The following CACNA1C variants were observed in gnomAD, a reference collection of about 807,000 sequenced individuals.
CACNA1C encodes voltage-dependent L-type calcium channel subunit alpha-1C.
In CACNA1C, 30 loss-of-function variants were observed where a neutral mutation model predicts 229.0. The ratio of observed to expected loss-of-function variants is 0.13; its 90% confidence interval spans 0.10 to 0.18. CACNA1C has a LOEUF of 0.18. Ranked by LOEUF, CACNA1C falls within the 10% of genes least tolerant of loss-of-function variation. CACNA1C has a pLI of 1.00. For missense variants in CACNA1C, 1,658 were observed against 2,845.0 expected, an observed-to-expected ratio of 0.58 and a Z score of 9.49; for synonymous variants, 1,114 against 1,132.5, an observed-to-expected ratio of 0.98 and a Z score of 0.33.
At chr12:2,004,563 AC>A in intron 1 of CACNA1C, 1 of 1,314,406 alleles carries the variant, frequency 7.6e-7, no homozygotes, top group Non-Finnish European at 1.0e-6. Context: ...GGCTCCAGTC[AC>A]CCCCACCCTC....
Position 2,053,532 on chromosome 12 carries a change from C to T in CACNA1C, c.-31C>T. The T allele has an allele frequency of 6.4e-7, 1 of 1,573,162 alleles. No individual in the cohort carries two copies. The highest frequency in any genetic ancestry group is 2.3e-5 in the East Asian group (1 of 42,656). ...TTTTCACATTTCTTCCTCTTCGTGG[C>T]TGCTCCTCCTATTAAAACCATTTTT... On this transcript the variant is annotated 5_prime_UTR_variant, in exon 1 of 47. Coordinates refer to ENST00000399655, the MANE Select transcript of CACNA1C (RefSeq NM_000719.7). The surrounding 1 kb of genome is among the most constrained non-coding windows in gnomAD (Gnocchi z 5.8).
chr12:2,669,460 A>G (rs186867884), intron 38 of CACNA1C, among the ~76,000 whole-genome samples: 1 of 152,310 alleles, frequency 6.6e-6, no homozygotes, highest in Admixed American at 6.5e-5. Flanking sequence ...AGCCTGCTCT[A>G]GCTTATTCAT....
chr12:2,065,142 G>A (rs192079858), intron 1 of CACNA1C, among the ~76,000 whole-genome samples: 1 of 152,198 alleles, frequency 6.6e-6, no homozygotes, highest in East Asian at 1.9e-4. Context: ...GGAAGCTTCT[G>A]TTGCCATATC....
chr12:2,619,888 C>T (rs112902288), intron 29 of CACNA1C, among the ~76,000 whole-genome samples: 2,399 of 152,148 alleles, frequency 0.016, 36 homozygotes, highest in Non-Finnish European at 0.019. Flanking sequence ...TTGCCTGGGG[C>T]GACTTTGGCC....
At chr12:2,268,116 G>C (rs1363287612) in intron 3 of CACNA1C, among the ~76,000 whole-genome samples, 2 of 152,168 alleles carry the variant, frequency 1.3e-5, no homozygotes, top group Non-Finnish European at 2.9e-5. Flanking sequence ...GGACTGGTTT[G>C]TTTCCATTGT....
chr12:2,027,077 G>C (rs2047458190), intron 1 of CACNA1C, among the ~76,000 whole-genome samples: 1 of 152,042 alleles, frequency 6.6e-6, no homozygotes. Flanking sequence ...TTATTTTTTT[G>C]TTTATTGTCA....
In CACNA1C at chr12:2,480,818, T is replaced by C. The variant is rs538958292; in HGVS notation, c.758-5286T>C. ...GGCTGGAATCTTTGAGTTTGAATAA[T>C]TGGGAATGTGAAATGTTCATGCCTA... On this transcript the variant is annotated intron_variant, in intron 5 of 46. Transcript: ENST00000399655. Among the ~76,000 whole-genome samples the C allele has an allele frequency of 2.0e-5, 3 of 152,326 alleles. No homozygotes were observed. The South Asian group carries it at 6.2e-4, about 32-fold the overall frequency.
At chr12:2,559,181 C>T (rs1402362522) in intron 11 of CACNA1C, among the ~76,000 whole-genome samples, 5 of 152,130 alleles carry the variant, frequency 3.3e-5, no homozygotes, top group Non-Finnish European at 7.3e-5. Context: ...TTCCAAAGCC[C>T]CCACACAATA....
At chr12:2,491,220 G>A (rs909695212) in intron 6 of CACNA1C, among the ~76,000 whole-genome samples, 3 of 152,176 alleles carry the variant, frequency 2.0e-5, no homozygotes, top group Non-Finnish European at 4.4e-5. Context: ...CCAGGGACTG[G>A]GGATGGGAGG....
rs577297152 is a variant in CACNA1C at position 2,654,112 on chromosome 12, G to A, written c.4140+212G>A. 6.6e-6 allele frequency among the ~76,000 whole-genome samples: 1 copy of A among 152,246 alleles called. No homozygotes were observed. The highest frequency in any genetic ancestry group is 2.1e-4 in the South Asian group (1 of 4,820). On this transcript the variant is annotated intron_variant, in intron 33 of 46. Coordinates refer to ENST00000399655, the MANE Select transcript of CACNA1C (RefSeq NM_000719.7). This position sits in a 1 kb window ranked among gnomAD's most constrained non-coding sequence, Gnocchi z 4.4. ...CTGTAGGTAGCAGGAGAATGTCCCG[G>A]TACAGAATACACAGCCCAGAGAGCC... is the stretch of plus-strand genomic sequence containing the variant.
intron 3 of CACNA1C, among the ~76,000 whole-genome samples, chr12:2,333,112 G>T (rs541782030): frequency 6.6e-6 from 1 of 152,322 alleles, no homozygotes; most frequent in Non-Finnish European, 1.5e-5. Flanking sequence ...AAGAGGAGGG[G>T]TTGCTGATGT....
At chr12:2,190,373 C>G (rs529566881) in intron 3 of CACNA1C, among the ~76,000 whole-genome samples, 1 of 152,266 alleles carries the variant, frequency 6.6e-6, no homozygotes, top group African/African-American at 2.4e-5. Flanking sequence ...TCATCCCCGC[C>G]CCGCAGTGCC....
At position 2,426,307 on chromosome 12, in the gene CACNA1C, A is replaced by C. The variant is rs182832277; in HGVS notation, c.478-22669A>C. On this transcript the variant is annotated intron_variant, in intron 3 of 46. Transcript: ENST00000399655. ...ACCCATCTGAAGTTAATATTATCAG[A>C]AATAATTGACAACAGTGTGTGAGAG... is the stretch of plus-strand genomic sequence containing the variant. Among the ~76,000 whole-genome samples the C allele has an allele frequency of 1.2e-4, 18 of 152,334 alleles. No homozygotes were observed. In the East Asian group the frequency reaches 1.5e-3, roughly 13 times the overall value.
chr12:2,291,859 T>C (rs2093551348), intron 3 of CACNA1C, among the ~76,000 whole-genome samples: 1 of 152,178 alleles, frequency 6.6e-6, no homozygotes, highest in African/African-American at 2.4e-5. Context: ...TTTCCAGAAA[T>C]CCTCCATCAG....
intron 29 of CACNA1C, chr12:2,612,833 C>G (rs1416106188): frequency 6.6e-6 from 1 of 152,252 alleles, no homozygotes; most frequent in Admixed American, 6.5e-5. Context: ...ACCACCAGGA[C>G]AGCTGCTTCT....
rs2099737332 is a variant in CACNA1C at position 2,492,369 on chromosome 12, G to GGAAGCACACTCCC, written c.917-820_917-808dup. On this transcript the variant is annotated intron_variant, in intron 6 of 46. Transcript: ENST00000399655. Reference sequence around the variant, plus strand: ...CCTGACAAAGCCCCGTCCGTACTGAGGAAGCACACTCCCTATTATTCACTG... The same window carrying GGAAGCACACTCCC: ...CCTGACAAAGCCCCGTCCGTACTGAGGAAGCACACTCCCGAAGCACACTCCCTATTATTCACTG... 5.3e-5 allele frequency among the ~76,000 whole-genome samples: 8 copies of GGAAGCACACTCCC among 152,194 alleles called. No individual in the cohort carries two copies. The South Asian group carries it at 1.7e-3, about 32-fold the overall frequency.
At chr12:2,194,203 C>A (rs1213292556) in intron 3 of CACNA1C, among the ~76,000 whole-genome samples, 1 of 128,988 alleles carries the variant, frequency 7.8e-6, no homozygotes, top group African/African-American at 2.6e-5. Context: ...TCCTGCTCCC[C>A]CCTGTGTTCC....
rs1203695806 is a variant in CACNA1C, at chr12:2,689,805, TC to T, written c.6117+1027del. On this transcript the variant is annotated intron_variant, in intron 46 of 46. Coordinates refer to ENST00000399655, the MANE Select transcript of CACNA1C (RefSeq NM_000719.7). The surrounding 1 kb of genome is among the most constrained non-coding windows in gnomAD (Gnocchi z 4.2). ...AGGGACACAGCTGAGAAACAGAGCT[TC>T]TGCTCTCATGAGCTCACATCATGGT... The T allele has an allele frequency of 6.6e-6, 1 of 152,246 alleles. No individual in the cohort carries two copies. The highest frequency in any genetic ancestry group is 1.9e-4 in the East Asian group (1 of 5,174). 9.4% of individuals were successfully genotyped at this position (152,246 alleles called of 1,614,324 possible). A position where few individuals can be genotyped will look rare whatever the true frequency, so the allele number is the denominator to read the frequency against.
intron 3 of CACNA1C, among the ~76,000 whole-genome samples, chr12:2,369,715 C>T (rs2097805513): frequency 6.6e-6 from 1 of 152,094 alleles, no homozygotes; most frequent in African/African-American, 2.4e-5. Context: ...ACATACCTAT[C>T]TTATACATTT....
Sources: gnomAD v4.1 joint callset for allele counts (sites outside exome capture counted in the v4.1 genomes callset) on GRCh38, gnomAD v4.1.1 for gene constraint, Gnocchi (gnomAD v3.1) non-coding constraint, MANE v1.5 for transcripts, NCBI Gene and HGNC (gene_info 2026-07-23, HGNC 2026-07-21) for gene names.